Variants in RBM33 observed in about 807,000 individuals in gnomAD.
RBM33 encodes RNA binding motif protein 33.
In RBM33, 28 loss-of-function variants were observed where a neutral mutation model predicts 132.6. That is an observed-to-expected ratio of 0.21 (90% CI 0.16 to 0.29). RBM33 has a LOEUF of 0.29. RBM33 is among the 10% of genes least tolerant of loss of function. The pLI is 1.00. For missense variants in RBM33, 1,291 were observed against 1,518.5 expected (o/e 0.85, Z 2.49); for synonymous variants, 634 against 593.0 (o/e 1.07, Z -1.01).
chr7:155,698,805 G>A (rs1246695317), intron 5 of RBM33, among the ~76,000 whole-genome samples: 2 of 152,180 alleles, frequency 1.3e-5, no homozygotes, highest in Non-Finnish European at 2.9e-5. Flanking sequence ...GTTTTACTCA[G>A]TATAATGATG....
intron 9 of RBM33, among the ~76,000 whole-genome samples, chr7:155,729,538 A>G (rs1273902591): frequency 6.6e-6 from 1 of 152,118 alleles, no homozygotes; most frequent in African/African-American, 2.4e-5. Flanking sequence ...GGAGTTTCAG[A>G]CTAGCCTGGG....
At chr7:155,686,576 C>G (rs1157734048) in intron 5 of RBM33, among the ~76,000 whole-genome samples, 1 of 151,806 alleles carries the variant, frequency 6.6e-6, no homozygotes. Context: ...GTGTGCTGCA[C>G]CCATTAACTC....
At chr7:155,709,261 A>G (rs1401738244) in intron 7 of RBM33, among the ~76,000 whole-genome samples, 1 of 152,200 alleles carries the variant, frequency 6.6e-6, no homozygotes, top group Admixed American at 6.5e-5. Flanking sequence ...TACAGTATGT[A>G]TATGTTGTGG....
intron 13 of RBM33, among the ~76,000 whole-genome samples, chr7:155,743,104 T>C (rs975056914): frequency 6.6e-6 from 1 of 152,230 alleles, no homozygotes; most frequent in African/African-American, 2.4e-5. Flanking sequence ...GCAGTTGTAA[T>C]GTATTGTTTA....
chr7:155,705,981 A>T (rs1800100791), intron 6 of RBM33, among the ~76,000 whole-genome samples: 1 of 152,246 alleles, frequency 6.6e-6, no homozygotes. Context: ...TTGAAATGAT[A>T]TGTATTAAAT....
At chr7:155,714,389 A>G (rs1433626647) in intron 8 of RBM33, among the ~76,000 whole-genome samples, 1 of 152,180 alleles carries the variant, frequency 6.6e-6, no homozygotes, top group Non-Finnish European at 1.5e-5. Context: ...TGTTTGAATC[A>G]GGATCCTAGA....
At chr7:155,718,685 G>A (rs559941443) in intron 9 of RBM33, among the ~76,000 whole-genome samples, 3 of 152,236 alleles carry the variant, frequency 2.0e-5, no homozygotes, top group Non-Finnish European at 2.9e-5. Flanking sequence ...AATGCCGTTC[G>A]TCTTAAAGAA....
At chr7:155,656,929 T>C (rs145270064) in intron 1 of RBM33, among the ~76,000 whole-genome samples, 94 of 152,272 alleles carry the variant, frequency 6.2e-4, no homozygotes, top group African/African-American at 2.1e-3. Flanking sequence ...CTGTTTGTCT[T>C]TTCTTACTAG....
rs923072017 is a variant in RBM33 at position 155,645,092 on chromosome 7, T to C, written c.43+173T>C. 4 of 520,998 alleles carry C rather than the reference T, an allele frequency of 7.7e-6. No individual in the cohort carries two copies. The East Asian group carries it at 1.4e-4, about 18-fold the overall frequency. The allele number at this position is 520,998 out of a possible 1,614,324, so 32.3% of individuals were successfully genotyped here. ...CTTCCCTCGCTATTGTCATTCTCCC[T>C]TTCTCGCTCCTCCTCTCCGCTGTGC... On this transcript the variant is annotated intron_variant, in intron 1 of 17. Coordinates refer to ENST00000401878, the MANE Select transcript of RBM33 (RefSeq NM_053043.3).
rs540010533 is a variant in RBM33 at position 155,775,497 on chromosome 7, G to C, written c.*456G>C. ...GAGTCTTCTCAACCAAGCTTAACTC[G>C]AGTTGTCTTCTCAGCCCTCAAAAGG... On this transcript the variant is annotated 3_prime_UTR_variant, in exon 18 of 18. Coordinates refer to ENST00000401878, the MANE Select transcript of RBM33 (RefSeq NM_053043.3). The C allele has an allele frequency of 2.2e-4, 44 of 201,246 alleles. No homozygotes were observed. The South Asian group carries it at 3.1e-3, about 14-fold the overall frequency. 12.5% of individuals were successfully genotyped at this position (201,246 alleles called of 1,614,324 possible).
chr7:155,715,738 G>A (rs1349626163), intron 8 of RBM33, among the ~76,000 whole-genome samples: 1 of 152,194 alleles, frequency 6.6e-6, no homozygotes. Flanking sequence ...TTTCGAAGCA[G>A]TTGTTTATTC....
intron 14 of RBM33, 36 bp from the exon 15 acceptor site, chr7:155,763,776 A>C (rs756967928): frequency 3.2e-6 from 5 of 1,577,376 alleles, no homozygotes; most frequent in Non-Finnish European, 4.3e-6. Context: ...GGTGGAGCAG[A>C]CACTGAACAA....
chr7:155,700,663 T>C (rs956044966), intron 5 of RBM33, 110 bp from the exon 6 acceptor site: 1 of 860,630 alleles, frequency 1.2e-6, no homozygotes. Context: ...TTTTGCAGTA[T>C]TTTTTACATC....
chr7:155,726,736 A>T (rs1800804108), intron 9 of RBM33, among the ~76,000 whole-genome samples: 1 of 152,228 alleles, frequency 6.6e-6, no homozygotes, highest in South Asian at 2.1e-4. Context: ...CATCAGTAGA[A>T]CTTCTTATGA....
chr7:155,684,814 A>C, intron 5 of RBM33: 5 of 1,129,024 alleles, frequency 4.4e-6, no homozygotes, highest in African/African-American at 1.6e-5. Context: ...TCAGTCAGCT[A>C]ATCACCATAG....
intron 11 of RBM33, chr7:155,738,816 C>G (rs117721528): frequency 0.045 from 7,954 of 175,884 alleles, 185 homozygotes; most frequent in Non-Finnish European, 0.056. Flanking sequence ...TGTTGCTGTT[C>G]ACTGGTTATT....
chr7:155,658,922 C>T (rs1798566971), intron 1 of RBM33, among the ~76,000 whole-genome samples: 1 of 152,202 alleles, frequency 6.6e-6, no homozygotes, highest in African/African-American at 2.4e-5. Flanking sequence ...GAAGCAGTTT[C>T]TCCTCAGCTT....
intron 9 of RBM33, among the ~76,000 whole-genome samples, chr7:155,726,687 A>T (rs1049702149): frequency 6.6e-6 from 1 of 152,216 alleles, no homozygotes; most frequent in Non-Finnish European, 1.5e-5. Flanking sequence ...TAGTACCCTT[A>T]TTCCCATGAA....
intron 8 of RBM33, 30 bp downstream of exon 8, chr7:155,711,485 A>G (rs751363584): frequency 5.3e-6 from 7 of 1,331,272 alleles, no homozygotes; most frequent in East Asian, 3.0e-5. Flanking sequence ...ATTGTAAAGC[A>G]TAGATGGCCC....
Sources: allele counts gnomAD v4.1 joint callset (sites outside exome capture counted in the v4.1 genomes callset), GRCh38; gene constraint gnomAD v4.1.1; transcripts MANE v1.5; gene names NCBI Gene and HGNC (gene_info 2026-07-23, HGNC 2026-07-21).